The following AKAP9 variants were observed in gnomAD, a reference collection of about 807,000 sequenced individuals.
The protein encoded by AKAP9 is A-kinase anchoring protein 9.
AKAP9 carries 311 observed loss-of-function variants against 488.5 expected under a neutral mutation model. The ratio of observed to expected loss-of-function variants is 0.64; its 90% CI spans 0.58 to 0.70. AKAP9 has a LOEUF of 0.70. AKAP9 is among the 30% of genes least tolerant of loss of function. The pLI is 0.00. For missense variants in AKAP9, 4,215 were observed against 4,374.5 expected (o/e 0.96, Z 1.03); for synonymous variants, 1,462 against 1,483.5 (o/e 0.99, Z 0.33).
intron 3 of AKAP9, 103 bp from the exon 4 acceptor site, chr7:91,992,054 CT>C: frequency 1.1e-6 from 1 of 946,556 alleles, no homozygotes; most frequent in Non-Finnish European, 1.7e-6. Context: ...TGCATTTTCC[CT>C]AGGAATAAAA....
In AKAP9 at chr7:92,031,850, A is replaced by T. The variant is rs147388713; in HGVS notation, c.4338+246A>T. 9.4e-4 allele frequency among the ~76,000 whole-genome samples: 143 copies of T among 152,346 alleles called. 1 individual carries two copies. The highest frequency in any genetic ancestry group is 3.3e-3 in the African/African-American group (137 of 41,590). On this transcript the variant is annotated intron_variant, in intron 16 of 49. Coordinates refer to ENST00000356239, the MANE Select transcript of AKAP9 (RefSeq NM_005751.5). ...CTTTTCAGAATGCCAAAACAAGTCT[A>T]TGTATTTGTTGCCTTGTGAAGAAGT...
At chr7:92,082,714 A>C (rs765235325) in intron 32 of AKAP9, 52 bp downstream of exon 32, 16 of 1,591,294 alleles carry the variant, frequency 1.0e-5, no homozygotes, top group Non-Finnish European at 1.4e-5. Context: ...TATCTTAATT[A>C]CGTTTCAAAG....
chr7:92,001,329 T>G lies in AKAP9; in HGVS notation c.1412T>G (p.Met471Arg). 1 of 1,613,690 alleles carries G rather than the reference T, an allele frequency of 6.2e-7. No individual in the cohort carries two copies. Among genetic ancestry groups the G allele is most frequent in the Non-Finnish European group, 8.5e-7 (1 of 1,179,788 alleles). ...EEMKTRHKGE[M>R]ENALRSYSNI... is the part of the protein sequence containing the mutation. ...ATGAAAACACGGCATAAGGGAGAAATGGAGAATGCTTTAAGGTCATATTCA... is the reference window on the plus strand; with the variant it reads ...ATGAAAACACGGCATAAGGGAGAAAGGGAGAATGCTTTAAGGTCATATTCA... Residue 471 changes from methionine (M) to arginine (R), a missense_variant, in exon 8 of 50, where the codon ATG becomes AGG. Transcript: ENST00000356239.
Position 92,070,602 on chromosome 7 carries a change from T to G in AKAP9, c.6508-303T>G, listed in dbSNP as rs184966635. Among the ~76,000 whole-genome samples, 25 of 152,080 alleles carry G rather than the reference T, an allele frequency of 1.6e-4. 1 individual carries two copies. Among genetic ancestry groups the G allele is most frequent in the Admixed American group, 1.4e-3 (21 of 15,266 alleles). On this transcript the variant is annotated intron_variant, in intron 27 of 49. Coordinates refer to ENST00000356239, the MANE Select transcript of AKAP9 (RefSeq NM_005751.5). ...GGCATGCGCCACCACAACCAGCTGA[T>G]TTTTGTATTTTTAGTAGAAACGGGG... is the stretch of plus-strand genomic sequence containing the variant.
chr7:91,964,941 C>G (rs1424251938), intron 1 of AKAP9, among the ~76,000 whole-genome samples: 2 of 152,012 alleles, frequency 1.3e-5, no homozygotes, highest in African/African-American at 4.8e-5. Flanking sequence ...TTTGGGAATA[C>G]ATGTGATAAT....
chr7:91,952,461 T>C (rs1166263229), intron 1 of AKAP9, among the ~76,000 whole-genome samples: 1 of 152,190 alleles, frequency 6.6e-6, no homozygotes, highest in African/African-American at 2.4e-5. Flanking sequence ...AGAAGAGGGA[T>C]ATCTGATTCT....
chr7:92,070,335 GTTC>G (rs1474473147), intron 27 of AKAP9, 129 bp downstream of exon 27: 1 of 1,073,622 alleles, frequency 9.3e-7, no homozygotes. Context: ...ATTTCTGTTT[GTTC>G]TTATTTCCAA....
intron 15 of AKAP9, among the ~76,000 whole-genome samples, chr7:92,030,640 C>CA (rs60461811): frequency 0.12 from 5,715 of 46,398 alleles, 379 homozygotes; most frequent in African/African-American, 0.23. Context: ...AGACTGTCGC[C>CA]AAAAAAAAAA....
chr7:92,083,827 CT>C (rs1814037070), intron 33 of AKAP9, 172 bp downstream of exon 33: 14 of 633,302 alleles, frequency 2.2e-5, no homozygotes, highest in East Asian at 2.9e-5. Flanking sequence ...TACAATATTC[CT>C]TTTTTTTCTT....
chr7:92,094,243 A>C (rs181797678), intron 39 of AKAP9, among the ~76,000 whole-genome samples: 22 of 152,174 alleles, frequency 1.4e-4, no homozygotes, highest in Non-Finnish European at 2.1e-4. Flanking sequence ...AGAAACAGTT[A>C]ATTTGAAGCC....
chr7:92,029,481 T>A (rs1481997217), intron 14 of AKAP9, among the ~76,000 whole-genome samples: 4 of 152,018 alleles, frequency 2.6e-5, no homozygotes, highest in Non-Finnish European at 5.9e-5. Flanking sequence ...TAGATAACTT[T>A]AAAAAAAATG....
intron 21 of AKAP9, among the ~76,000 whole-genome samples, chr7:92,050,112 G>A (rs987165074): frequency 6.7e-5 from 10 of 149,796 alleles, no homozygotes; most frequent in Admixed American, 4.7e-4. Flanking sequence ...TCGCCCAGGC[G>A]GGAGTGCAGT....
At chr7:91,991,722 C>T (rs1204261545) in intron 3 of AKAP9, among the ~76,000 whole-genome samples, 1 of 152,222 alleles carries the variant, frequency 6.6e-6, no homozygotes. Context: ...CTGCCCGCCT[C>T]AGCCTCCCAA....
chr7:92,103,418 G>A (rs994606247), intron 46 of AKAP9, among the ~76,000 whole-genome samples: 2 of 142,244 alleles, frequency 1.4e-5, no homozygotes, highest in Admixed American at 7.0e-5. Flanking sequence ...AAAAAAGGCC[G>A]GGCATGGTGG....
At chr7:92,062,621 AAT>A in intron 24 of AKAP9, 135 bp downstream of exon 24, 1 of 761,772 alleles carries the variant, frequency 1.3e-6, no homozygotes, top group Non-Finnish European at 2.1e-6. Flanking sequence ...ATTATAAGAA[AAT>A]CTACCTTAGA....
chr7:91,977,980 G>A (rs900929861), intron 2 of AKAP9, among the ~76,000 whole-genome samples: 59 of 152,034 alleles, frequency 3.9e-4, no homozygotes, highest in African/African-American at 1.4e-3. Flanking sequence ...AGTGGCTCAC[G>A]CCTGTAATCC....
intron 8 of AKAP9, among the ~76,000 whole-genome samples, chr7:92,007,968 T>A (rs906011561): frequency 6.6e-6 from 1 of 152,134 alleles, no homozygotes; most frequent in African/African-American, 2.4e-5. Context: ...CATGTAGACT[T>A]AAGAAAAGTA....
chr7:91,943,442 A>C (rs1584505359), intron 1 of AKAP9, among the ~76,000 whole-genome samples: 1 of 152,348 alleles, frequency 6.6e-6, no homozygotes, highest in East Asian at 1.9e-4. Context: ...AATTTTATTC[A>C]GCAAACGTAT....
chr7:91,993,215 G>T lies in AKAP9; in HGVS notation c.576+160G>T, dbSNP rs13237571. 6.8e-5 allele frequency among the ~76,000 whole-genome samples: 10 copies of T among 148,036 alleles called. No individual in the cohort carries two copies. The South Asian group carries it at 2.1e-3, about 32-fold the overall frequency. On this transcript the variant is annotated intron_variant, in intron 5 of 49. Coordinates refer to ENST00000356239, the MANE Select transcript of AKAP9 (RefSeq NM_005751.5). ...TCTTCTTTTTTTTTTTCCATACAGG[G>T]TCTTGCTCTGTTGCCCAGGCTGGAG... is the stretch of plus-strand genomic sequence containing the variant.
Sources: allele counts gnomAD v4.1 joint callset (sites outside exome capture counted in the v4.1 genomes callset), GRCh38; gene constraint gnomAD v4.1.1; transcripts MANE v1.5; gene names NCBI Gene and HGNC (gene_info 2026-07-23, HGNC 2026-07-21).